Variants in CFAP47 observed in about 807,000 individuals in gnomAD.
The protein encoded by CFAP47 is cilia and flagella associated protein 47.
Under a neutral mutation model 148.1 loss-of-function variants are expected in CFAP47, and 29 were observed. That is an observed-to-expected ratio of 0.20 (90% CI 0.15 to 0.27). The LOEUF is 0.27. CFAP47 is among the 10% of genes least tolerant of loss of function. The probability of loss-of-function intolerance (pLI) is 1.00; values close to 1 mark genes in which losing one functional copy is unlikely to be tolerated. For synonymous variants in CFAP47, 664 were observed against 577.3 expected (o/e 1.15, Z -2.15); for missense variants, 1,872 against 1,697.5 (o/e 1.10, Z -1.81).
chrX:36,005,700 G>A (rs1295634216), intron 21 of CFAP47, among the ~76,000 whole-genome samples: 1 of 111,984 alleles, frequency 8.9e-6, no homozygotes, highest in Non-Finnish European at 1.9e-5. Context: ...ATGGTGAAAT[G>A]AGGGGAATGC....
intron 56 of CFAP47, among the ~76,000 whole-genome samples, chrX:36,314,215 A>G (rs1556010495): frequency 9.0e-6 from 1 of 111,513 alleles, no homozygotes; most frequent in African/African-American, 3.3e-5. Context: ...TGGAAAAAGT[A>G]GTGAATTTGA....
At chrX:36,158,258 G>T (rs1359118059) in intron 37 of CFAP47, among the ~76,000 whole-genome samples, 5 of 111,776 alleles carry the variant, frequency 4.5e-5, no homozygotes, top group Non-Finnish European at 9.4e-5. Flanking sequence ...TAACTGTTAT[G>T]GGATGTATAA....
intron 39 of CFAP47, among the ~76,000 whole-genome samples, chrX:36,170,945 C>A (rs1250132351): frequency 9.2e-6 from 1 of 108,845 alleles, no homozygotes; most frequent in Non-Finnish European, 1.9e-5. Context: ...TCTCCACATC[C>A]TCTCCGGCAC....
At chrX:36,266,763 C>T (rs374676192) in intron 49 of CFAP47, among the ~76,000 whole-genome samples, 2 of 110,849 alleles carry the variant, frequency 1.8e-5, no homozygotes, top group Non-Finnish European at 3.8e-5. Context: ...AGATCAGATT[C>T]GCCCTGGTCC....
chrX:36,070,498 T>G (rs1031007619), intron 27 of CFAP47, among the ~76,000 whole-genome samples: 1 of 96,271 alleles, frequency 1.0e-5, no homozygotes, highest in African/African-American at 4.1e-5. Flanking sequence ...TTCTTTTCCT[T>G]TTTTTTTTTT....
intron 54 of CFAP47, among the ~76,000 whole-genome samples, chrX:36,304,766 C>T (rs1556008519): frequency 1.8e-5 from 2 of 111,449 alleles, no homozygotes; most frequent in African/African-American, 6.5e-5. Flanking sequence ...CCAACTTTCT[C>T]ATTCTTAGAT....
chrX:36,263,907 A>G (rs1245134047), intron 49 of CFAP47, among the ~76,000 whole-genome samples: 2 of 111,651 alleles, frequency 1.8e-5, no homozygotes, highest in Non-Finnish European at 3.8e-5. Flanking sequence ...GGCTCACCCA[A>G]GGCCCTTGAT....
chrX:36,156,454 A>G (rs1395506684), intron 37 of CFAP47, among the ~76,000 whole-genome samples: 2 of 111,233 alleles, frequency 1.8e-5, no homozygotes, highest in Admixed American at 9.6e-5. Flanking sequence ...AGCTATAACC[A>G]TAGAGTGACT....
At chrX:35,983,362 G>T (rs143258307) in intron 15 of CFAP47, among the ~76,000 whole-genome samples, 324 of 111,713 alleles carry the variant, frequency 2.9e-3, no homozygotes, top group Non-Finnish European at 4.7e-3. Flanking sequence ...AGACTATGGG[G>T]CTTTCTAGGT....
intron 58 of CFAP47, among the ~76,000 whole-genome samples, 176 bp from the exon 59 acceptor site, chrX:36,349,862 G>C (rs1394993425): frequency 9.0e-6 from 1 of 111,711 alleles, no homozygotes; most frequent in Non-Finnish European, 1.9e-5. Context: ...GGTTTGCTTT[G>C]AAATGTTTAT....
chrX:36,004,271 C>T (rs919202235), intron 21 of CFAP47, among the ~76,000 whole-genome samples: 1 of 110,948 alleles, frequency 9.0e-6, no homozygotes, highest in African/African-American at 3.3e-5. Context: ...GCCACTGCAC[C>T]AGACCAAAAA....
At chrX:36,229,584 T>A (rs182674520) in intron 46 of CFAP47, among the ~76,000 whole-genome samples, 1 of 111,267 alleles carries the variant, frequency 9.0e-6, no homozygotes, top group African/African-American at 3.3e-5. Flanking sequence ...TGCCTTATGT[T>A]TACATTTTTG....
chrX:36,029,179 C>T (rs778797269), intron 22 of CFAP47, among the ~76,000 whole-genome samples: 1 of 110,613 alleles, frequency 9.0e-6, no homozygotes, highest in East Asian at 2.8e-4. Context: ...TGTACAGTTG[C>T]TCATAATAGT....
chrX:36,271,226 A>T (rs904883475), intron 49 of CFAP47, among the ~76,000 whole-genome samples: 1 of 111,956 alleles, frequency 8.9e-6, no homozygotes, highest in Non-Finnish European at 1.9e-5. Flanking sequence ...ATTTGATCAT[A>T]TGTAATACAA....
At chrX:35,996,117 G>C (rs776453225) in intron 18 of CFAP47, among the ~76,000 whole-genome samples, 1 of 111,129 alleles carries the variant, frequency 9.0e-6, no homozygotes, top group Admixed American at 9.6e-5. Context: ...GTGGTCTTGG[G>C]TGGTGAATAA....
intron 44 of CFAP47, among the ~76,000 whole-genome samples, chrX:36,204,559 C>T (rs1555988584): frequency 9.0e-6 from 1 of 110,969 alleles, no homozygotes. Flanking sequence ...GCACATGTAT[C>T]CTAAAACTTA....
chrX:36,229,739 T>A (rs1555992101), intron 46 of CFAP47, among the ~76,000 whole-genome samples: 1 of 107,368 alleles, frequency 9.3e-6, no homozygotes, highest in African/African-American at 3.4e-5. Context: ...TAGGTATATC[T>A]CCTAAAGCTA....
At chrX:35,966,780 G>T in intron 9 of CFAP47, 26 bp downstream of exon 9, 1 of 984,394 alleles carries the variant, frequency 1.0e-6, no homozygotes, top group Non-Finnish European at 1.3e-6. Context: ...GTGCCCACCT[G>T]GCTTTGTTGT....
chrX:36,101,427 G>A (rs1197767853), intron 32 of CFAP47, among the ~76,000 whole-genome samples: 2 of 111,786 alleles, frequency 1.8e-5, no homozygotes, highest in Non-Finnish European at 3.8e-5. Flanking sequence ...GGTGGGCAAG[G>A]ACCATTTCAA....
Sources: gnomAD v4.1 joint callset for allele counts (sites outside exome capture counted in the v4.1 genomes callset) on GRCh38, gnomAD v4.1.1 for gene constraint, MANE v1.5 for transcripts, NCBI Gene and HGNC (gene_info 2026-07-23, HGNC 2026-07-21) for gene names.